The following TOP1MT variants were observed in gnomAD, a reference collection of about 807,000 sequenced individuals.
The protein encoded by TOP1MT is DNA topoisomerase I mitochondrial.
TOP1MT carries 80 observed loss-of-function variants against 73.9 expected under a neutral mutation model. The ratio of observed to expected loss-of-function variants is 1.08; its 90% CI spans 0.90 to 1.30. The LOEUF (loss-of-function observed/expected upper bound fraction) is 1.30. TOP1MT is among the 50% of genes most tolerant of loss of function. The probability of loss-of-function intolerance (pLI) is 0.00; values close to 1 mark genes in which losing one functional copy is unlikely to be tolerated. For missense variants in TOP1MT, 815 were observed against 808.0 expected (o/e 1.01, Z -0.10); for synonymous variants, 338 against 326.4 (o/e 1.04, Z -0.38).
At position 143,316,134 on chromosome 8, in the gene TOP1MT, G is replaced by A. The variant is rs770371972; in HGVS notation, c.1331-8C>T. 4 of 1,613,872 alleles carry A rather than the reference G, an allele frequency of 2.5e-6. No individual in the cohort carries two copies. The African/African-American group carries it at 5.3e-5, about 22-fold the overall frequency. ...CTGCTATGCTGTCCTCGGCTGAGAGGCACGGGCTGTCAGAGGCAGCACCCA... is the reference window on the plus strand; with the variant it reads ...CTGCTATGCTGTCCTCGGCTGAGAGACACGGGCTGTCAGAGGCAGCACCCA... On this transcript the variant is annotated splice_polypyrimidine_tract_variant and splice_region_variant and intron_variant, in intron 10 of 13. Transcript: ENST00000329245.
intron 7 of TOP1MT, among the ~76,000 whole-genome samples, chr8:143,321,912 GCACGCCACA>G (rs1249547232): frequency 2.6e-5 from 1 of 38,278 alleles, no homozygotes; most frequent in Non-Finnish European, 5.0e-5. Context: ...ACACACACAG[GCACGCCACA>G]CACATGCACG....
intron 2 of TOP1MT, among the ~76,000 whole-genome samples, chr8:143,330,775 C>T (rs995756529): frequency 6.6e-6 from 1 of 152,174 alleles, no homozygotes; most frequent in East Asian, 1.9e-4. Flanking sequence ...CCAGAGCCCC[C>T]GGGTCCTGCC....
upstream of TOP1MT, among the ~76,000 whole-genome samples, chr8:143,335,792 C>T (rs1816972181): frequency 6.6e-6 from 1 of 152,252 alleles, no homozygotes; most frequent in Admixed American, 6.5e-5. Context: ...GGAGTCCGGG[C>T]TGCCACCGCA....
intron 7 of TOP1MT, among the ~76,000 whole-genome samples, chr8:143,321,985 C>A (rs868094560): frequency 4.7e-3 from 207 of 44,052 alleles, no homozygotes; most frequent in Middle Eastern, 0.018. Flanking sequence ...ACACGCACGC[C>A]ACACACATGC....
Position 143,309,377 on chromosome 8 carries a change from A to G in TOP1MT, c.*64T>C. On this transcript the variant is annotated 3_prime_UTR_variant, in exon 14 of 14. Coordinates refer to ENST00000329245, the MANE Select transcript of TOP1MT (RefSeq NM_052963.3). ...CACATTTTATTGTACAAAATTCCCC[A>G]GTACTGCTTTAATAGTGAAAAAAAC... 1 of 1,537,758 alleles carries G rather than the reference A, an allele frequency of 6.5e-7. No homozygotes were observed. Among genetic ancestry groups the G allele is most frequent in the South Asian group, 1.1e-5 (1 of 88,684 alleles).
At chr8:143,315,337 A>C (rs995487361) in intron 12 of TOP1MT, among the ~76,000 whole-genome samples, 1 of 152,214 alleles carries the variant, frequency 6.6e-6, no homozygotes, top group Non-Finnish European at 1.5e-5. Flanking sequence ...TCTGATATGC[A>C]GAAATAATGG....
intron 3 of TOP1MT, among the ~76,000 whole-genome samples, 175 bp downstream of exon 3, chr8:143,329,175 G>T (rs904882028): frequency 6.6e-6 from 1 of 152,148 alleles, no homozygotes; most frequent in Non-Finnish European, 1.5e-5. Flanking sequence ...GCCGAGACAG[G>T]AGGATGGCTT....
At chr8:143,321,578 AGGCACGCCACACG>A (rs1816370303) in intron 7 of TOP1MT, among the ~76,000 whole-genome samples, 192 bp from the exon 8 acceptor site, 3 of 93,862 alleles carry the variant, frequency 3.2e-5, no homozygotes, top group Admixed American at 1.0e-4. Context: ...CACGCCACAC[AGGCACGCCACACG>A]CACGCACGCC....
chr8:143,318,142 C>A (rs1183207981), intron 8 of TOP1MT, 56 bp from the exon 9 acceptor site: 26 of 1,551,346 alleles, frequency 1.7e-5, no homozygotes, highest in East Asian at 2.2e-5. Flanking sequence ...CCAGTGAGGA[C>A]CTGAAGGGCG....
rs763630346 is a variant in TOP1MT, at chr8:143,315,817, T to C, written c.1463A>G (p.Gln488Arg). Residue 488 changes from glutamine to arginine, a missense_variant, in exon 12 of 14, where the codon CAG becomes CGG. This residue lies in a region of TOP1MT where 751 missense variants were observed against 725.4 expected (regional missense o/e 1.04). Transcript: ENST00000329245. Reference sequence around the variant, plus strand: ...CTCAGCCACCTGCTCCTTCTTTGCCTGGATCTGCAGGAAAAGGGTCCAGAC... The same window carrying C: ...CTCAGCCACCTGCTCCTTCTTTGCCCGGATCTGCAGGAAAAGGGTCCAGAC... Reference protein sequence around the residue: ...KSMQNLQTKIQAKKEQVAEAR... With the variant: ...KSMQNLQTKIRAKKEQVAEAR... The C allele has an allele frequency of 6.2e-7, 1 of 1,613,546 alleles. No individual in the cohort carries two copies. The highest frequency in any genetic ancestry group is 2.2e-5 in the East Asian group (1 of 44,884).
intron 10 of TOP1MT, 103 bp downstream of exon 10, chr8:143,317,620 G>T: frequency 1.0e-6 from 1 of 987,680 alleles, no homozygotes; most frequent in Non-Finnish European, 1.5e-6. Context: ...CCAAAGAAGC[G>T]GCCCCACCCC....
intron 7 of TOP1MT, among the ~76,000 whole-genome samples, chr8:143,322,656 A>C (rs1816502940): frequency 1.1e-5 from 1 of 92,578 alleles, no homozygotes; most frequent in Non-Finnish European, 2.1e-5. Context: ...CACGCACACC[A>C]CACACGCACG....
Position 143,313,704 on chromosome 8 carries a change from A to G in TOP1MT, c.1553+2023T>C, listed in dbSNP as rs1180114887. ...CCCCGTCTCTACTAAAATACAAAAAAATTAGCCGGGCATGGTGGCGGGTGC... is the reference window on the plus strand; with the variant it reads ...CCCCGTCTCTACTAAAATACAAAAAGATTAGCCGGGCATGGTGGCGGGTGC... On this transcript the variant is annotated intron_variant, in intron 12 of 13. Coordinates refer to ENST00000329245, the MANE Select transcript of TOP1MT (RefSeq NM_052963.3). Among the ~76,000 whole-genome samples, 3 of 149,568 alleles carry G rather than the reference A, an allele frequency of 2.0e-5. No homozygotes were observed. In the Admixed American group the frequency reaches 2.0e-4, roughly 10 times the overall value.
chr8:143,315,909 C>T (rs986292881), intron 11 of TOP1MT, 88 bp from the exon 12 acceptor site: 10 of 1,607,388 alleles, frequency 6.2e-6, no homozygotes, highest in South Asian at 5.5e-5. Context: ...ACGTGCCCAC[C>T]GCAGCTGGCT....
At chr8:143,332,441 CT>C (rs1413629507) in intron 1 of TOP1MT, 5 of 1,255,688 alleles carry the variant, frequency 4.0e-6, no homozygotes, top group Non-Finnish European at 5.2e-6. Context: ...CCTTCTGAGC[CT>C]CCCCCAGACG....
At chr8:143,310,002 G>GC (rs759129098) in intron 13 of TOP1MT, 66 bp downstream of exon 13, 1 of 1,598,354 alleles carries the variant, frequency 6.3e-7, no homozygotes, top group East Asian at 2.2e-5. Context: ...ACTGAACAGA[G>GC]GCCTCCTGGA....
At chr8:143,323,413 C>T (rs1215475515) in intron 7 of TOP1MT, among the ~76,000 whole-genome samples, 1 of 127,746 alleles carries the variant, frequency 7.8e-6, no homozygotes, top group South Asian at 2.7e-4. Context: ...CACACACGCA[C>T]GCCACACACA....
At chr8:143,332,585 G>A in intron 1 of TOP1MT, 1 of 1,289,050 alleles carries the variant, frequency 7.8e-7, no homozygotes, top group Non-Finnish European at 1.0e-6. Context: ...CAGAGCAACA[G>A]GAAGTCTCTG....
At chr8:143,351,941 AGT>A (rs1172745322) in intron 1 of TOP1MT, among the ~76,000 whole-genome samples, 1 of 152,120 alleles carries the variant, frequency 6.6e-6, no homozygotes, top group African/African-American at 2.4e-5. Flanking sequence ...AAATTAGCTG[AGT>A]GTGGTGGCAC....
Sources: allele counts gnomAD v4.1 joint callset (sites outside exome capture counted in the v4.1 genomes callset), GRCh38; gene constraint gnomAD v4.1.1; regional missense constraint gnomAD v4.1.1; transcripts MANE v1.5; gene names NCBI Gene and HGNC (gene_info 2026-07-23, HGNC 2026-07-21).